Variants in TMEM132D observed in about 807,000 individuals in gnomAD.
TMEM132D encodes the protein transmembrane protein 132D, also known as mature OL transmembrane protein.
In TMEM132D, 21 loss-of-function variants were observed where a neutral mutation model predicts 62.3. That is an observed-to-expected ratio of 0.34 (90% CI 0.24 to 0.49). The LOEUF (loss-of-function observed/expected upper bound fraction) is 0.49. TMEM132D is among the 20% of genes least tolerant of loss of function. The pLI is 0.99. For synonymous variants in TMEM132D, 621 were observed against 575.6 expected (o/e 1.08, Z -1.13); for missense variants, 1,346 against 1,402.8 (o/e 0.96, Z 0.65).
At chr12:129,267,964 G>A (rs1369855080) in intron 4 of TMEM132D, among the ~76,000 whole-genome samples, 2 of 152,176 alleles carry the variant, frequency 1.3e-5, no homozygotes, top group African/African-American at 4.8e-5. Flanking sequence ...ATGGTGCTGG[G>A]AAAACTAGCT....
At chr12:129,746,013 G>T (rs1348863948) in intron 1 of TMEM132D, among the ~76,000 whole-genome samples, 2 of 152,168 alleles carry the variant, frequency 1.3e-5, no homozygotes, top group African/African-American at 4.8e-5. Flanking sequence ...TTCATCCAGG[G>T]ACCTGGACCA....
intron 1 of TMEM132D, among the ~76,000 whole-genome samples, chr12:129,886,463 A>T (rs1447156522): frequency 1.3e-5 from 2 of 152,224 alleles, no homozygotes; most frequent in African/African-American, 4.8e-5. Flanking sequence ...TTAAGGATGT[A>T]AAACAAATTC....
chr12:129,814,611 CAAA>C (rs34979485), intron 1 of TMEM132D, among the ~76,000 whole-genome samples: 1 of 94,606 alleles, frequency 1.1e-5, no homozygotes, highest in Non-Finnish European at 1.9e-5. Context: ...AACTCCCTCT[CAAA>C]AAAAAAAAAA....
intron 5 of TMEM132D, among the ~76,000 whole-genome samples, chr12:129,100,371 G>T (rs1432107359): frequency 6.6e-6 from 1 of 152,178 alleles, no homozygotes; most frequent in Non-Finnish European, 1.5e-5. Context: ...GAAGGTCAAG[G>T]TGACCCCAGC....
chr12:129,423,058 C>CAT (rs1010675525), intron 3 of TMEM132D, among the ~76,000 whole-genome samples: 136 of 150,774 alleles, frequency 9.0e-4, no homozygotes, highest in Middle Eastern at 7.0e-3. Context: ...CATGTATATA[C>CAT]ATATATATAT....
rs147351316 is a variant in TMEM132D at position 129,708,610 on chromosome 12, T to TA, written c.80-7913dup. Reference sequence around the variant, plus strand: ...TGTCCACTCCAAGTAGAGGCTCAGGTAAAAAAAAAAAAAAAAAAAAACACA... The same window carrying TA: ...TGTCCACTCCAAGTAGAGGCTCAGGTAAAAAAAAAAAAAAAAAAAAAACACA... On this transcript the variant is annotated intron_variant, in intron 1 of 8. Coordinates refer to ENST00000422113, the MANE Select transcript of TMEM132D (RefSeq NM_133448.3). 7.7e-3 allele frequency among the ~76,000 whole-genome samples: 254 copies of TA among 33,110 alleles called. 13 individuals are homozygous for TA. The highest frequency in any genetic ancestry group is 8.0e-3 in the African/African-American group (60 of 7,456). The allele number at this position is 33,110 out of a possible 152,430, so 21.7% of individuals were successfully genotyped here. A position where few individuals can be genotyped will look rare whatever the true frequency, so the allele number is the denominator to read the frequency against.
chr12:129,756,955 C>T (rs1268412031), intron 1 of TMEM132D, among the ~76,000 whole-genome samples: 2 of 152,126 alleles, frequency 1.3e-5, no homozygotes, highest in African/African-American at 4.8e-5. Flanking sequence ...TGTCTCCCTC[C>T]CTCTTCCTGT....
At chr12:129,239,187 C>T (rs1265697329) in intron 4 of TMEM132D, among the ~76,000 whole-genome samples, 1 of 152,018 alleles carries the variant, frequency 6.6e-6, no homozygotes, top group East Asian at 1.9e-4. Flanking sequence ...ATTTGTTTAT[C>T]TTTTTGTGGT....
In TMEM132D at chr12:129,209,651, G is replaced by T. The variant is rs761457751; in HGVS notation, c.1312C>A (p.Leu438Met). The T allele has an allele frequency of 6.2e-7, 1 of 1,614,166 alleles. No individual in the cohort carries two copies. The highest frequency in any genetic ancestry group is 8.5e-7 in the Non-Finnish European group (1 of 1,180,026). The stretch of plus-strand genomic sequence containing the variant: ...TTCCCCGTGAGGATGGCTGTGTTCA[G>T]GATTTCTGCCTCCTGGAAGACCAAA... ...VVPLAMEAEI[L>M]NTAILTGKTV... is the part of the protein sequence containing the mutation. Residue 438 changes from leucine (L) to methionine (M), a missense_variant, in exon 5 of 9, where the codon CTG becomes ATG. Leu to Met is a conservative substitution (Grantham distance 15, BLOSUM62 2). Transcript: ENST00000422113.
At chr12:129,726,565 G>A (rs200328814) in intron 1 of TMEM132D, among the ~76,000 whole-genome samples, 49 of 152,296 alleles carry the variant, frequency 3.2e-4, no homozygotes, top group Non-Finnish European at 6.3e-4. Flanking sequence ...TGGTGAAGAC[G>A]CTGGGCTTTA....
rs560243041 is a variant in TMEM132D, at chr12:129,514,040, T to G, written c.1115+17019A>C. 2.8e-5 allele frequency among the ~76,000 whole-genome samples: 4 copies of G among 142,778 alleles called. No individual in the cohort carries two copies. In the Admixed American group the frequency reaches 2.8e-4, roughly 10 times the overall value. The allele number at this position is 142,778 out of a possible 152,430, so 93.7% of individuals were successfully genotyped here. ...ATTTTCAGTGGAGACGGGGTTTCAC[T>G]GTGTCAGCCAGGATGGTCTCGATCC... On this transcript the variant is annotated intron_variant, in intron 3 of 8. Coordinates refer to ENST00000422113, the MANE Select transcript of TMEM132D (RefSeq NM_133448.3).
At chr12:129,243,117 T>C (rs1372454377) in intron 4 of TMEM132D, among the ~76,000 whole-genome samples, 3 of 152,238 alleles carry the variant, frequency 2.0e-5, no homozygotes, top group East Asian at 3.8e-4. Context: ...CAAACACGTA[T>C]GTGTACACAC....
rs559743067 is a variant in TMEM132D at position 129,483,347 on chromosome 12, T to C, written c.1115+47712A>G. ...TGGGCCCCATCCCAGAAATTCTGTT[T>C]TAATTTGGATGAAGCTTACACCTTG... is the stretch of plus-strand genomic sequence containing the variant. On this transcript the variant is annotated intron_variant, in intron 3 of 8. Transcript: ENST00000422113. 1.7e-4 allele frequency among the ~76,000 whole-genome samples: 26 copies of C among 152,302 alleles called. 1 individual carries two copies. The highest frequency in any genetic ancestry group is 5.8e-4 in the African/African-American group (24 of 41,572).
At chr12:129,590,489 CCT>C (rs764274789) in intron 2 of TMEM132D, among the ~76,000 whole-genome samples, 7 of 152,214 alleles carry the variant, frequency 4.6e-5, no homozygotes, top group South Asian at 2.1e-4. Flanking sequence ...ACTTTCTGCC[CCT>C]GTTTCTCATG....
intron 3 of TMEM132D, among the ~76,000 whole-genome samples, chr12:129,509,661 C>T (rs1249521660): frequency 6.6e-6 from 1 of 152,074 alleles, no homozygotes; most frequent in African/African-American, 2.4e-5. Context: ...CATCCTTATA[C>T]TATTTCCATG....
chr12:129,864,262 T>A (rs776760646), intron 1 of TMEM132D, among the ~76,000 whole-genome samples: 1 of 152,180 alleles, frequency 6.6e-6, no homozygotes, highest in African/African-American at 2.4e-5. Context: ...GGCCTTGAGA[T>A]GATTCCAGAC....
intron 3 of TMEM132D, among the ~76,000 whole-genome samples, chr12:129,420,209 T>G (rs1249356855): frequency 6.6e-6 from 1 of 151,476 alleles, no homozygotes. Flanking sequence ...GTCCCGGCTA[T>G]AGAAAACACA....
rs897219558 is a variant in TMEM132D, at chr12:129,579,083, T to C, written c.969-47878A>G. Among the ~76,000 whole-genome samples the C allele has an allele frequency of 3.3e-5, 5 of 152,316 alleles. No individual in the cohort carries two copies. The East Asian group carries it at 9.6e-4, about 29-fold the overall frequency. Reference sequence around the variant, plus strand: ...CTTGGTAGTAGGTGTTAAATATTTGTTGAAATAAATAAATGAATGAATCCC... The same window carrying C: ...CTTGGTAGTAGGTGTTAAATATTTGCTGAAATAAATAAATGAATGAATCCC... On this transcript the variant is annotated intron_variant, in intron 2 of 8. Transcript: ENST00000422113.
chr12:129,832,577 T>C (rs972090734), intron 1 of TMEM132D, among the ~76,000 whole-genome samples: 49 of 152,164 alleles, frequency 3.2e-4, no homozygotes, highest in Admixed American at 2.6e-4. Context: ...AGATGATGCA[T>C]ATCTGAGTAT....
Sources: gnomAD v4.1 joint callset for allele counts (sites outside exome capture counted in the v4.1 genomes callset) on GRCh38, gnomAD v4.1.1 for gene constraint, MANE v1.5 for transcripts, NCBI Gene and HGNC (gene_info 2026-07-23, HGNC 2026-07-21) for gene names.